Variants in SNRPG observed in about 807,000 individuals in gnomAD.
SNRPG encodes small nuclear ribonucleoprotein G.
In SNRPG, 3 loss-of-function variants were observed where a neutral mutation model predicts 13.9. The ratio of observed to expected loss-of-function variants is 0.22; its 90% CI spans 0.10 to 0.56. SNRPG has a LOEUF of 0.56. Among genes scored for constraint, SNRPG ranks in the 20% least tolerant of loss-of-function variants. The pLI is 0.93. For missense variants in SNRPG, 34 were observed against 96.1 expected, an observed-to-expected ratio of 0.35 and a Z score of 2.70; for synonymous variants, 29 against 29.3, an observed-to-expected ratio of 0.99 and a Z score of 0.03.
At chr2:70,292,236 G>A (rs901548009) in intron 1 of SNRPG, among the ~76,000 whole-genome samples, 12 of 152,000 alleles carry the variant, frequency 7.9e-5, no homozygotes, top group Non-Finnish European at 1.6e-4. Flanking sequence ...GTGAGCCACC[G>A]CGTTGGGCTT....
intron 3 of SNRPG, among the ~76,000 whole-genome samples, chr2:70,284,926 A>G (rs958790431): frequency 1.3e-5 from 2 of 152,204 alleles, no homozygotes; most frequent in African/African-American, 4.8e-5. Context: ...TTTACACTGC[A>G]TGCTGTTCTT....
chr2:70,293,253 G>T (rs149100515), intron 1 of SNRPG: 5 of 701,734 alleles, frequency 7.1e-6, no homozygotes, highest in Non-Finnish European at 1.0e-5. Flanking sequence ...TTCCTTCAGA[G>T]AATTTCCCCC....
intron 1 of SNRPG, among the ~76,000 whole-genome samples, chr2:70,290,823 TAAAAAAAAA>T (rs57720967): frequency 4.7e-4 from 12 of 25,284 alleles, no homozygotes; most frequent in Admixed American, 2.2e-3. Context: ...CCGTCTCTAC[TAAAAAAAAA>T]AAAAAAAAAA....
chr2:70,282,670 C>T (rs1317012543), intron 3 of SNRPG, among the ~76,000 whole-genome samples: 1 of 151,962 alleles, frequency 6.6e-6, no homozygotes, highest in African/African-American at 2.4e-5. Flanking sequence ...CATAAGTGTC[C>T]CTGCAACAAG....
chr2:70,288,821 G>A (rs1697007303), intron 2 of SNRPG, among the ~76,000 whole-genome samples: 1 of 152,088 alleles, frequency 6.6e-6, no homozygotes, highest in South Asian at 2.1e-4. Context: ...GCCAAAGTGA[G>A]GAAGGGCTTA....
At chr2:70,286,634 G>C (rs1324878417) in intron 3 of SNRPG, among the ~76,000 whole-genome samples, 1 of 152,112 alleles carries the variant, frequency 6.6e-6, no homozygotes, top group Non-Finnish European at 1.5e-5. Context: ...ACTTGGGATG[G>C]CAGTGCTTTC....
At chr2:70,287,084 T>C (rs1236004694) in intron 3 of SNRPG, among the ~76,000 whole-genome samples, 3 of 152,210 alleles carry the variant, frequency 2.0e-5, no homozygotes, top group Non-Finnish European at 2.9e-5. Flanking sequence ...ACTATTGATT[T>C]GCTTTTCAAA....
At chr2:70,289,475 G>A (rs1479614530) in intron 1 of SNRPG, 103 bp from the exon 2 acceptor site, 2 of 627,112 alleles carry the variant, frequency 3.2e-6, no homozygotes, top group Admixed American at 3.0e-5. Context: ...TTTATACAAT[G>A]GGAATAATGA....
In SNRPG at chr2:70,293,632, A is replaced by T; in HGVS notation, c.18T>A (p.Pro6=). The change falls in exon 1 of 4, where the codon CCT becomes CCA. Residue 6 remains proline (P), a synonymous_variant. Coordinates refer to ENST00000272348, the MANE Select transcript of SNRPG (RefSeq NM_003096.4). ...CACATACTTACTTTTTCAACTCGGG[A>T]GGGTGAGCTTTGCTCATGGTGTATA... MSKAH[P]PELKKFMDKK... 7 of 1,614,118 alleles carry T rather than the reference A, an allele frequency of 4.3e-6. No homozygotes were observed. Among genetic ancestry groups the T allele is most frequent in the Non-Finnish European group, 5.9e-6 (7 of 1,179,938 alleles).
chr2:70,289,143 C>A (rs992182066), intron 2 of SNRPG, among the ~76,000 whole-genome samples: 1 of 151,980 alleles, frequency 6.6e-6, no homozygotes, highest in South Asian at 2.1e-4. Context: ...TTAGTAGAGA[C>A]GGGGTTTCAC....
intron 3 of SNRPG, chr2:70,287,394 C>T (rs1411250720): frequency 2.9e-6 from 2 of 694,526 alleles, no homozygotes. Flanking sequence ...AAGAGGGACT[C>T]AAAGTCTGGG....
intron 2 of SNRPG, among the ~76,000 whole-genome samples, chr2:70,288,538 GGT>G (rs1559044416): frequency 6.6e-6 from 1 of 152,016 alleles, no homozygotes; most frequent in African/African-American, 2.4e-5. Flanking sequence ...GGGGATTATA[GGT>G]GTAAACCACC....
Position 70,288,154 on chromosome 2 carries a change from G to T in SNRPG, c.94C>A (p.Arg32=). 3 of 1,610,904 alleles carry T rather than the reference G, an allele frequency of 1.9e-6. No homozygotes were observed. The highest frequency in any genetic ancestry group is 2.5e-6 in the Non-Finnish European group (3 of 1,177,416). ...AGGTTCATAAAGGGATCAAATCCCCGCAATATTCCTTGGACATGTCTGCCA... is the reference window on the plus strand; with the variant it reads ...AGGTTCATAAAGGGATCAAATCCCCTCAATATTCCTTGGACATGTCTGCCA... ...NGGRHVQGIL[R]GFDPFMNLVI... Residue 32 remains arginine, a synonymous_variant, in exon 3 of 4, where the codon CGG becomes AGG. Transcript: ENST00000272348.
chr2:70,287,195 T>G, intron 3 of SNRPG: 3 of 647,624 alleles, frequency 4.6e-6, no homozygotes, highest in Middle Eastern at 6.4e-4. Flanking sequence ...AATAGGTCTA[T>G]CTTCAACTTT....
At chr2:70,292,857 CAT>C (rs1360181098) in intron 1 of SNRPG, 1 of 396,122 alleles carries the variant, frequency 2.5e-6, no homozygotes, top group Admixed American at 4.0e-5. Context: ...TCAGGAAACA[CAT>C]AACCTGTTAA....
At chr2:70,289,969 C>T (rs1697040859) in intron 1 of SNRPG, among the ~76,000 whole-genome samples, 1 of 149,284 alleles carries the variant, frequency 6.7e-6, no homozygotes, top group African/African-American at 2.5e-5. Context: ...TCTTATTGTT[C>T]AATACTACGT....
intron 1 of SNRPG, among the ~76,000 whole-genome samples, chr2:70,289,609 G>C (rs374207400): frequency 1.2e-4 from 18 of 152,232 alleles, no homozygotes; most frequent in African/African-American, 2.9e-4. Context: ...CTCAGGAGTT[G>C]AGACCAGCCT....
At chr2:70,289,458 G>A in intron 1 of SNRPG, 86 bp from the exon 2 acceptor site, 1 of 692,502 alleles carries the variant, frequency 1.4e-6, no homozygotes, top group South Asian at 1.7e-5. Context: ...AAGATAATTT[G>A]CTAAAATTTA....
chr2:70,282,170 C>T (rs1404055139), intron 3 of SNRPG, among the ~76,000 whole-genome samples: 3 of 152,154 alleles, frequency 2.0e-5, no homozygotes, highest in Non-Finnish European at 4.4e-5. Flanking sequence ...CTTGCCTCAG[C>T]CTCACAAAGT....
Sources: allele counts gnomAD v4.1 joint callset (sites outside exome capture counted in the v4.1 genomes callset), GRCh38; gene constraint gnomAD v4.1.1; transcripts MANE v1.5; gene names NCBI Gene and HGNC (gene_info 2026-07-23, HGNC 2026-07-21).